The following CFAP251 variants were observed in gnomAD, a reference collection of about 807,000 sequenced individuals.
CFAP251 encodes cilia and flagella associated protein 251.
CFAP251 carries 93 observed loss-of-function variants against 126.7 expected under a neutral mutation model. The ratio of observed to expected loss-of-function variants is 0.73; its 90% CI spans 0.62 to 0.87. The LOEUF is 0.87. CFAP251 is among the 40% of genes least tolerant of loss of function. The pLI is 0.00. For synonymous variants in CFAP251, 503 were observed against 506.9 expected (o/e 0.99, Z 0.10); for missense variants, 1,287 against 1,389.2 (o/e 0.93, Z 1.17).
At position 121,967,015 on chromosome 12, in the gene CFAP251, G is replaced by A. The variant is rs1882166282; in HGVS notation, c.2553G>A (p.Val851=). Reference sequence around the variant, plus strand: ...TTGAGCAGACACAAGTCCTCCCAGTGAGAAGCATGGCGGAGCTACAGAAAC... The same window carrying A: ...TTGAGCAGACACAAGTCCTCCCAGTAAGAAGCATGGCGGAGCTACAGAAAC... The part of the protein sequence containing the change: ...SPIEQTQVLP[V]RSMAELQKRY... Residue 851 remains valine (V), a synonymous_variant, in exon 16 of 22, where the codon GTG becomes GTA. Transcript: ENST00000288912. 2.5e-6 allele frequency: 4 copies of A among 1,614,134 alleles called. No individual in the cohort carries two copies. The highest frequency in any genetic ancestry group is 2.7e-5 in the African/African-American group (2 of 74,950).
At chr12:121,964,613 G>A (rs748882077) in intron 15 of CFAP251, among the ~76,000 whole-genome samples, 14 of 152,210 alleles carry the variant, frequency 9.2e-5, no homozygotes, top group Non-Finnish European at 1.6e-4. Context: ...CCATTTGAAA[G>A]TGAACAGTTC....
At chr12:121,988,782 C>T (rs1375488046) in intron 19 of CFAP251, among the ~76,000 whole-genome samples, 4 of 145,932 alleles carry the variant, frequency 2.7e-5, no homozygotes, top group African/African-American at 7.7e-5. Flanking sequence ...CTCCCTCTGG[C>T]TGGAGTGCAA....
Position 121,961,995 on chromosome 12 carries a change from C to A in CFAP251, c.2325C>A (p.Leu775=). Residue 775 remains leucine (L), a synonymous_variant, in exon 15 of 22, where the codon CTC becomes CTA. Transcript: ENST00000288912. ...TDRLLIEYDL[L]RSYKDHLEVL... ...CTCTGCAGATAGAGTATGATCTTCT[C>A]AGGAGCTACAAAGACCACCTGGAAG... 6.2e-7 allele frequency: 1 copy of A among 1,613,660 alleles called. No individual in the cohort carries two copies. The highest frequency in any genetic ancestry group is 8.5e-7 in the Non-Finnish European group (1 of 1,179,960).
At chr12:121,946,026 T>C (rs1245142739) in intron 7 of CFAP251, among the ~76,000 whole-genome samples, 3 of 152,216 alleles carry the variant, frequency 2.0e-5, no homozygotes, top group Non-Finnish European at 4.4e-5. Context: ...CAGTAACTTC[T>C]CATTGTCCTC....
intron 19 of CFAP251, among the ~76,000 whole-genome samples, chr12:121,994,137 C>G (rs1206284522): frequency 9.5e-6 from 1 of 105,188 alleles, no homozygotes; most frequent in Non-Finnish European, 2.0e-5. Flanking sequence ...CCAGCCGCCC[C>G]GTCCGGGAGG....
Position 121,931,789 on chromosome 12 carries a change from A to G in CFAP251, c.791A>G (p.Tyr264Cys). ...GGATGGAACAGTTCTCTTCCTGTTT[A>G]CTATATTCGAGAGGAAAGGCAGAGA... The part of the protein sequence containing the change: ...SFGWNSSLPV[Y>C]YIREERQRVL... Residue 264 changes from tyrosine (Y) to cysteine (C), a missense_variant, in exon 4 of 22, where the codon TAC (tyrosine) becomes TGC (cysteine). Physicochemically the swap from Tyr to Cys is radical, Grantham distance 194. Coordinates refer to ENST00000288912, the MANE Select transcript of CFAP251 (RefSeq NM_144668.6). The G allele has an allele frequency of 6.2e-7, 1 of 1,602,382 alleles. No individual in the cohort carries two copies. Among genetic ancestry groups the G allele is most frequent in the Non-Finnish European group, 8.5e-7 (1 of 1,175,320 alleles).
chr12:121,958,853 T>C, intron 12 of CFAP251, 90 bp from the exon 13 acceptor site: 1 of 1,446,198 alleles, frequency 6.9e-7, no homozygotes, highest in Non-Finnish European at 9.3e-7. Flanking sequence ...GTTGCTGTCT[T>C]CTCCGCACCC....
At chr12:121,958,764 A>G (rs904239366) in intron 12 of CFAP251, among the ~76,000 whole-genome samples, 179 bp from the exon 13 acceptor site, 1 of 152,140 alleles carries the variant, frequency 6.6e-6, no homozygotes, top group African/African-American at 2.4e-5. Context: ...TCCTGGGCCT[A>G]TCTGTGCGTC....
chr12:121,927,834 C>T (rs1480040857), intron 3 of CFAP251, among the ~76,000 whole-genome samples: 2 of 152,134 alleles, frequency 1.3e-5, no homozygotes, highest in Non-Finnish European at 2.9e-5. Context: ...ACAAGGCAAT[C>T]ATGTATTTAT....
chr12:121,968,928 G>T (rs1400721778), intron 17 of CFAP251: 1 of 985,406 alleles, frequency 1.0e-6, no homozygotes, highest in Non-Finnish European at 1.2e-6. Flanking sequence ...ATAAAGAGGG[G>T]ACAAGCACCC....
At chr12:121,981,017 C>T (rs911129858) in intron 19 of CFAP251, among the ~76,000 whole-genome samples, 4 of 152,208 alleles carry the variant, frequency 2.6e-5, no homozygotes, top group African/African-American at 9.7e-5. Context: ...CGGTGCCCAG[C>T]GCACAGAGGT....
chr12:121,988,164 C>T (rs1299104626), intron 19 of CFAP251, among the ~76,000 whole-genome samples: 1 of 151,802 alleles, frequency 6.6e-6, no homozygotes, highest in African/African-American at 2.4e-5. Context: ...TTCTTAGAAT[C>T]GAAATGTTGT....
intron 14 of CFAP251, among the ~76,000 whole-genome samples, chr12:121,961,266 C>T (rs1402833939): frequency 2.0e-5 from 3 of 149,668 alleles, no homozygotes; most frequent in Admixed American, 1.3e-4. Context: ...TTCTTCTCCC[C>T]CTCTCTCCCT....
At chr12:121,975,998 G>A (rs941302888) in intron 19 of CFAP251, among the ~76,000 whole-genome samples, 1 of 151,446 alleles carries the variant, frequency 6.6e-6, no homozygotes, top group Non-Finnish European at 1.5e-5. Context: ...GACCAGCCTC[G>A]TAGGATTTTT....
At chr12:121,987,355 T>C (rs1292385882) in intron 19 of CFAP251, among the ~76,000 whole-genome samples, 4 of 152,196 alleles carry the variant, frequency 2.6e-5, no homozygotes, top group African/African-American at 9.6e-5. Flanking sequence ...AAACTATTTC[T>C]GCTTTTCACA....
chr12:121,962,245 C>T (rs999047930), intron 15 of CFAP251, 83 bp downstream of exon 15: 4 of 1,298,274 alleles, frequency 3.1e-6, no homozygotes, highest in Non-Finnish European at 4.3e-6. Context: ...ACATAGGGAC[C>T]TGCAGGCAGC....
At chr12:121,924,102 C>T in intron 3 of CFAP251, 112 bp downstream of exon 3, 1 of 1,297,742 alleles carries the variant, frequency 7.7e-7, no homozygotes, top group Non-Finnish European at 1.0e-6. Flanking sequence ...ACTTTTTAAA[C>T]TAATAATAGA....
At chr12:121,951,393 T>G in intron 8 of CFAP251, 87 bp from the exon 9 acceptor site, 3 of 842,096 alleles carry the variant, frequency 3.6e-6, no homozygotes, top group Non-Finnish European at 5.6e-6. Flanking sequence ...CTTGTTTAGA[T>G]GTATTTGTTT....
intron 17 of CFAP251, chr12:121,969,447 G>T (rs1242827029): frequency 2.8e-5 from 28 of 985,192 alleles, no homozygotes; most frequent in Non-Finnish European, 3.3e-5. Context: ...AACCATGGGG[G>T]CAAGCCACAC....
Sources: gnomAD v4.1 joint callset for allele counts (sites outside exome capture counted in the v4.1 genomes callset) on GRCh38, gnomAD v4.1.1 for gene constraint, MANE v1.5 for transcripts, NCBI Gene and HGNC (gene_info 2026-07-23, HGNC 2026-07-21) for gene names.